Variants in MYO1D observed in about 807,000 individuals in gnomAD.
MYO1D encodes myosin ID.
MYO1D carries 83 observed loss-of-function variants against 122.0 expected under a neutral mutation model. The observed-to-expected ratio is 0.68, with a 90% CI of 0.57 to 0.82. MYO1D has a LOEUF of 0.82. MYO1D is among the 40% of genes least tolerant of loss of function. MYO1D has a pLI of 0.00. For synonymous variants in MYO1D, 464 were observed against 446.9 expected, an observed-to-expected ratio of 1.04 and a Z score of -0.48; for missense variants, 1,157 against 1,269.5, an observed-to-expected ratio of 0.91 and a Z score of 1.35.
chr17:32,787,746 C>A (rs2090312790), intron 1 of MYO1D, among the ~76,000 whole-genome samples: 1 of 152,056 alleles, frequency 6.6e-6, no homozygotes, highest in Non-Finnish European at 1.5e-5. Flanking sequence ...CCTCGCCCAC[C>A]TCCCTCCCTT....
chr17:32,716,974 A>C (rs2089455761), intron 15 of MYO1D, among the ~76,000 whole-genome samples: 1 of 152,252 alleles, frequency 6.6e-6, no homozygotes, highest in African/African-American at 2.4e-5. Context: ...CAGTAAAATA[A>C]ATGAAAATGA....
intron 3 of MYO1D, among the ~76,000 whole-genome samples, chr17:32,776,242 T>C (rs554082123): frequency 6.6e-6 from 1 of 152,078 alleles, no homozygotes; most frequent in Non-Finnish European, 1.5e-5. Context: ...ACTATACAGG[T>C]GCTAAAAAGA....
intron 21 of MYO1D, among the ~76,000 whole-genome samples, chr17:32,512,113 C>G (rs1243779242): frequency 1.3e-5 from 2 of 152,094 alleles, no homozygotes; most frequent in Non-Finnish European, 2.9e-5. Context: ...CCAGACGGAC[C>G]AACATGGTGA....
At chr17:32,564,755 C>G (rs1011732835) in intron 21 of MYO1D, among the ~76,000 whole-genome samples, 15 of 152,158 alleles carry the variant, frequency 9.9e-5, no homozygotes, top group African/African-American at 3.6e-4. Flanking sequence ...GCACCTTTAA[C>G]CCTGACTCTA....
chr17:32,686,663 C>T (rs1025024617), intron 16 of MYO1D, among the ~76,000 whole-genome samples: 3 of 151,930 alleles, frequency 2.0e-5, no homozygotes, highest in East Asian at 1.9e-4. Context: ...TCTAGGAGTT[C>T]GAGATCAGCC....
At chr17:32,813,304 C>A (rs1482254770) in intron 1 of MYO1D, among the ~76,000 whole-genome samples, 1 of 152,078 alleles carries the variant, frequency 6.6e-6, no homozygotes, top group African/African-American at 2.4e-5. Context: ...TCCAGACAGC[C>A]CAGTAGGGGA....
chr17:32,777,410 G>T (rs541448933), intron 3 of MYO1D, among the ~76,000 whole-genome samples: 1 of 73,036 alleles, frequency 1.4e-5, no homozygotes, highest in Non-Finnish European at 3.1e-5. Flanking sequence ...TACTAAATTA[G>T]TACTGAGCTT....
intron 13 of MYO1D, among the ~76,000 whole-genome samples, chr17:32,741,446 A>G (rs2089771758): frequency 6.6e-6 from 1 of 151,528 alleles, no homozygotes; most frequent in Non-Finnish European, 1.5e-5. Context: ...TGGAATATAC[A>G]CAATATGCTG....
intron 21 of MYO1D, chr17:32,519,460 G>A (rs1473821478): frequency 1.3e-5 from 2 of 152,588 alleles, no homozygotes; most frequent in Non-Finnish European, 2.9e-5. Context: ...GCACCCGCCG[G>A]GTGGGCTCTG....
chr17:32,583,176 T>G (rs1011434523), intron 21 of MYO1D, among the ~76,000 whole-genome samples: 4 of 152,054 alleles, frequency 2.6e-5, no homozygotes, highest in Non-Finnish European at 5.9e-5. Context: ...GTAGAGGGGG[T>G]TTTCCTTCAG....
chr17:32,779,978 T>C (rs1209825550), intron 2 of MYO1D, among the ~76,000 whole-genome samples: 2 of 152,150 alleles, frequency 1.3e-5, no homozygotes, highest in African/African-American at 4.8e-5. Flanking sequence ...GAACAGATAT[T>C]TTTCCTGTCC....
In MYO1D at chr17:32,518,161, C is replaced by T. The variant is rs116721424; in HGVS notation, c.2865-23246G>A. ...CTGGACAGCACCTGGTCCACCACTC[C>T]GCCATCACCCTCTTTCTTGTCCCCT... On this transcript the variant is annotated intron_variant, in intron 21 of 21. Transcript: ENST00000318217. Among the ~76,000 whole-genome samples the T allele has an allele frequency of 9.5e-3, 1,448 of 152,210 alleles. 20 individuals are homozygous for T. The highest frequency in any genetic ancestry group is 0.032 in the African/African-American group (1,326 of 41,496).
intron 20 of MYO1D, among the ~76,000 whole-genome samples, chr17:32,628,494 C>G (rs2087957285): frequency 6.6e-6 from 1 of 152,112 alleles, no homozygotes; most frequent in Non-Finnish European, 1.5e-5. Flanking sequence ...TTGAATAATT[C>G]TCGCTAATGG....
At chr17:32,641,274 T>G (rs894998756) in intron 19 of MYO1D, among the ~76,000 whole-genome samples, 2 of 151,942 alleles carry the variant, frequency 1.3e-5, no homozygotes. Flanking sequence ...CTCATCCTTT[T>G]TTATGGCTGC....
At chr17:32,577,115 G>C (rs1191457606) in intron 21 of MYO1D, among the ~76,000 whole-genome samples, 3 of 152,146 alleles carry the variant, frequency 2.0e-5, no homozygotes, top group Non-Finnish European at 2.9e-5. Context: ...GCCTGGTGTG[G>C]CAGTGGGTGC....
chr17:32,625,571 A>G (rs1225314181), intron 20 of MYO1D, among the ~76,000 whole-genome samples: 1 of 151,598 alleles, frequency 6.6e-6, no homozygotes, highest in East Asian at 1.9e-4. Context: ...TTTTTTTTAA[A>G]TAGGGTCTCG....
At chr17:32,664,985 C>T (rs567577003) in intron 16 of MYO1D, among the ~76,000 whole-genome samples, 12 of 152,256 alleles carry the variant, frequency 7.9e-5, no homozygotes, top group Admixed American at 2.0e-4. Context: ...CTCCCCTGCT[C>T]GCTCCCGCCA....
chr17:32,503,502 G>T (rs978054232), intron 21 of MYO1D, among the ~76,000 whole-genome samples: 2 of 152,180 alleles, frequency 1.3e-5, no homozygotes, highest in Non-Finnish European at 2.9e-5. Flanking sequence ...GTGGAAGTGG[G>T]GTGCAGTGCA....
At chr17:32,698,429 G>T (rs1381280604) in intron 16 of MYO1D, among the ~76,000 whole-genome samples, 2 of 142,566 alleles carry the variant, frequency 1.4e-5, no homozygotes, top group African/African-American at 2.6e-5. Context: ...TTTTATATGA[G>T]AAATAATTAT....
Sources: allele counts gnomAD v4.1 joint callset (sites outside exome capture counted in the v4.1 genomes callset), GRCh38; gene constraint gnomAD v4.1.1; transcripts MANE v1.5; gene names NCBI Gene and HGNC (gene_info 2026-07-23, HGNC 2026-07-21).